Variants in OR6B3 observed in about 807,000 individuals in gnomAD.
OR6B3 encodes olfactory receptor 6B3.
For synonymous variants in OR6B3, 148 were observed against 187.8 expected (o/e 0.79, Z 1.73); for missense variants, 315 against 427.4 (o/e 0.74, Z 2.32).
upstream of OR6B3, among the ~76,000 whole-genome samples, chr2:240,049,315 T>G (rs1574920136): frequency 1.3e-5 from 2 of 152,226 alleles, no homozygotes; most frequent in Non-Finnish European, 2.9e-5. Flanking sequence ...GAAGATCTGT[T>G]GAGTTAGCTT....
In OR6B3 at chr2:240,045,098, T is replaced by C. The variant is rs142989073; in HGVS notation, c.975A>G (p.Gln325=). 825 of 1,598,530 alleles carry C rather than the reference T, an allele frequency of 5.2e-4. 6 individuals carry two copies. The African/African-American group carries it at 0.01, about 20-fold the overall frequency. ...CTCCTCAGAGAGGCTGGCTGTGTAT[T>C]TGGAGATGAAGTTCCAGAAGACTAG... The change falls in exon 2 of 2, where the codon CAA becomes CAG. Residue 325 remains glutamine, a synonymous_variant. Transcript: ENST00000641019.
upstream of OR6B3, among the ~76,000 whole-genome samples, chr2:240,049,376 G>A (rs116226980): frequency 0.018 from 2,760 of 152,294 alleles, 37 homozygotes; most frequent in Middle Eastern, 0.044. Context: ...AACTTCTAGC[G>A]AGGGCTGGAG....
At chr2:240,050,412 GTA>G (rs1698241112), upstream of OR6B3, among the ~76,000 whole-genome samples, 1 of 152,180 alleles carries the variant, frequency 6.6e-6, no homozygotes, top group South Asian at 2.1e-4. Context: ...CCTGACTTTA[GTA>G]TCAGAAGAAA....
At chr2:240,045,343 G>T in exon 2 of OR6B3, 2 of 1,614,234 alleles carry the variant, frequency 1.2e-6, no homozygotes, top group South Asian at 2.2e-5. Context: ...ACGGTGAGGT[G>T]AGAGGCGCAG....
upstream of OR6B3, among the ~76,000 whole-genome samples, chr2:240,049,007 G>A (rs1574920042): frequency 6.6e-6 from 1 of 152,170 alleles, no homozygotes; most frequent in Admixed American, 6.5e-5. Context: ...ATGGATGGTG[G>A]GAGTCTGGAT....
chr2:240,045,140 G>T (rs201522340), exon 2 of OR6B3: 2 of 1,613,988 alleles, frequency 1.2e-6, no homozygotes, highest in East Asian at 2.2e-5. Context: ...TCCCCTCTAC[G>T]GCGCAGCTCG....
At chr2:240,049,277 TAA>T (rs1698227921), upstream of OR6B3, among the ~76,000 whole-genome samples, 1 of 121,754 alleles carries the variant, frequency 8.2e-6, no homozygotes, top group Non-Finnish European at 1.7e-5. Context: ...CAGAATAAAA[TAA>T]GTTATATTTT....
chr2:240,053,186 C>T, the OR6B3 span, among the ~76,000 whole-genome samples: 6 of 152,296 alleles, frequency 3.9e-5, no homozygotes, highest in South Asian at 4.1e-4. This position sits in a 1 kb window ranked among gnomAD's most constrained non-coding sequence, Gnocchi z 4.1. Context: ...GTTCCTCACA[C>T]GCCTGTATAT....
chr2:240,050,101 G>C (rs1254705911), upstream of OR6B3, among the ~76,000 whole-genome samples: 2 of 151,528 alleles, frequency 1.3e-5, no homozygotes, highest in African/African-American at 4.8e-5. Flanking sequence ...AATCAGTTGT[G>C]ACAATAAATG....
chr2:240,047,586 C>T (rs1292986761), upstream of OR6B3, among the ~76,000 whole-genome samples: 2 of 152,098 alleles, frequency 1.3e-5, no homozygotes, highest in Non-Finnish European at 2.9e-5. Flanking sequence ...TTATGGCAAC[C>T]CTTTTTCTGT....
At chr2:240,045,982 A>G (rs899050090) in exon 2 of OR6B3, 25 of 1,606,092 alleles carry the variant, frequency 1.6e-5, no homozygotes, top group Non-Finnish European at 2.1e-5. Flanking sequence ...GTGAGCAGGA[A>G]GAGGAGGAAG....
chr2:240,045,844 T>C (rs374612242), exon 2 of OR6B3: 1 of 1,611,926 alleles, frequency 6.2e-7, no homozygotes, highest in African/African-American at 1.3e-5. Context: ...TTGGGGGTGA[T>C]GTCAGACACG....
At chr2:240,050,984 A>G (rs1162194191), upstream of OR6B3, among the ~76,000 whole-genome samples, 1 of 152,210 alleles carries the variant, frequency 6.6e-6, no homozygotes, top group African/African-American at 2.4e-5. Context: ...CTGTCTCCAA[A>G]GCAGAATCAC....
intron 1 of OR6B3, 118 bp from the exon 3 acceptor site, chr2:240,046,215 G>T: frequency 1.5e-6 from 1 of 648,600 alleles, no homozygotes. Flanking sequence ...GCTCCCCAGA[G>T]CACCAGTGGG....
chr2:240,045,366 C>T (rs775083920), exon 2 of OR6B3: 1 of 1,614,186 alleles, frequency 6.2e-7, no homozygotes, highest in Non-Finnish European at 8.5e-7. Context: ...GAAGAAGGCT[C>T]TCCAGCAGCC....
chr2:240,047,199 G>C (rs1410005754), upstream of OR6B3, among the ~76,000 whole-genome samples: 2 of 152,142 alleles, frequency 1.3e-5, no homozygotes, highest in African/African-American at 4.8e-5. Context: ...CCCTTCAGAA[G>C]GAAATACAGG....
chr2:240,047,261 T>C (rs1698204162), upstream of OR6B3, among the ~76,000 whole-genome samples: 1 of 152,178 alleles, frequency 6.6e-6, no homozygotes, highest in Non-Finnish European at 1.5e-5. Flanking sequence ...TTTAAATTAA[T>C]AAGCAAAAGA....
rs752368312 is a variant in OR6B3 at position 240,045,226 on chromosome 2, G to A, written c.847C>T (p.Pro283Ser). The A allele has an allele frequency of 3.7e-6, 6 of 1,614,216 alleles. No homozygotes were observed. In the South Asian group the frequency reaches 4.4e-5, roughly 12 times the overall value. ...CAGTATATCAAGGGGTTCAAGATGG[G>A]GGTGATAACTGTGTACAAAACAGAG... Residue 283 changes from proline to serine, a missense_variant, in exon 2 of 2, where the codon CCC becomes TCC. Transcript: ENST00000641019.
chr2:240,046,781 G>A (rs935968585), intron 1 of OR6B3, among the ~76,000 whole-genome samples, 171 bp downstream of exon 2: 2 of 152,192 alleles, frequency 1.3e-5, no homozygotes, highest in Non-Finnish European at 2.9e-5. Context: ...AGTCTAGAAC[G>A]TTCTCGAGGG....
Sources: allele counts gnomAD v4.1 joint callset (sites outside exome capture counted in the v4.1 genomes callset), GRCh38; gene constraint gnomAD v4.1.1; non-coding constraint Gnocchi (gnomAD v3.1); transcripts MANE v1.5; gene names NCBI Gene and HGNC (gene_info 2026-07-23, HGNC 2026-07-21).